ZNF718: variants seen among roughly 807,000 people sequenced by gnomAD.
ZNF718 encodes the protein zinc finger protein 718.
Under a neutral mutation model 2.6 loss-of-function variants are expected in ZNF718, and 3 were observed. The ratio of observed to expected loss-of-function variants is 1.16; its 90% CI spans 0.53 to 3.01. The LOEUF is 3.01. ZNF718 is among the 30% of genes most tolerant of loss of function. ZNF718 has a pLI of 0.03. For missense variants in ZNF718, 468 were observed against 230.0 expected, an observed-to-expected ratio of 2.03 and a Z score of -6.69; for synonymous variants, 135 against 77.9, an observed-to-expected ratio of 1.73 and a Z score of -3.86.
chr4:200,298 T>C (rs1488323776), intron 3 of ZNF718, among the ~76,000 whole-genome samples: 6 of 152,368 alleles, frequency 3.9e-5, no homozygotes, highest in Admixed American at 6.5e-5. Context: ...AGTCACGCAC[T>C]GTAGCCCAGG....
intron 3 of ZNF718, among the ~76,000 whole-genome samples, chr4:171,854 C>A (rs1717242096): frequency 6.6e-6 from 1 of 152,168 alleles, no homozygotes; most frequent in Admixed American, 6.5e-5. Context: ...CACTGTCTTG[C>A]ACCCACTTTC....
chr4:169,609 CCTT>C (rs1258347423), intron 3 of ZNF718, among the ~76,000 whole-genome samples: 1 of 152,104 alleles, frequency 6.6e-6, no homozygotes, highest in Non-Finnish European at 1.5e-5. Flanking sequence ...TATGTAATGA[CCTT>C]CTTTGTCTCT....
chr4:190,950 A>G (rs1164178017), intron 3 of ZNF718, among the ~76,000 whole-genome samples: 1 of 151,788 alleles, frequency 6.6e-6, no homozygotes, highest in Admixed American at 6.6e-5. Flanking sequence ...GAGGAAGGAG[A>G]ATCACTTGGA....
chr4:166,426 T>C (rs542228121), downstream of ZNF718, among the ~76,000 whole-genome samples: 24 of 152,268 alleles, frequency 1.6e-4, 1 homozygote, highest in East Asian at 4.1e-3. Context: ...AATCGCCACA[T>C]TGACTTCCAC....
intron 3 of ZNF718, among the ~76,000 whole-genome samples, chr4:184,980 T>C (rs1295935304): frequency 3.9e-5 from 6 of 152,136 alleles, no homozygotes; most frequent in Non-Finnish European, 7.4e-5. Context: ...TTTGAAGGGT[T>C]TTTTTGTGTC....
chr4:176,054 A>G (rs964152019), intron 3 of ZNF718, among the ~76,000 whole-genome samples: 1 of 151,948 alleles, frequency 6.6e-6, no homozygotes, highest in Non-Finnish European at 1.5e-5. Context: ...CCTTGGAACT[A>G]TGCAGCCTAA....
At chr4:154,055 A>G (rs1004859501) in intron 3 of ZNF718, among the ~76,000 whole-genome samples, 4 of 152,190 alleles carry the variant, frequency 2.6e-5, no homozygotes, top group Non-Finnish European at 5.9e-5. Context: ...TACTGTTCTC[A>G]TGGTGGTGAA....
chr4:199,763 G>C (rs548052944), intron 3 of ZNF718, among the ~76,000 whole-genome samples: 1 of 152,138 alleles, frequency 6.6e-6, no homozygotes, highest in Admixed American at 6.5e-5. Context: ...TCTCTTCTTG[G>C]TCATCACCTC....
chr4:169,967 T>G (rs1447901715), intron 3 of ZNF718, among the ~76,000 whole-genome samples: 1 of 152,088 alleles, frequency 6.6e-6, no homozygotes, highest in Non-Finnish European at 1.5e-5. Context: ...ATTTGGCATG[T>G]TTTTGCTGTG....
Position 162,024 on chromosome 4 carries a change from G to C in ZNF718, c.1339G>C (p.Val447Leu). ...GAATAAACATAAGAAAATTCACACT[G>C]TAGATAAACCCTACAAATGTAAAGA... ...HLNKHKKIHT[V>L]DKPYKCKECG... Residue 447 changes from valine to leucine, a missense_variant, in exon 4 of 4, where the codon GTA (valine) becomes CTA (leucine). Coordinates refer to ENST00000510175, the MANE Select transcript of ZNF718 (RefSeq NM_001039127.6). 1.3e-6 allele frequency: 1 copy of C among 778,096 alleles called. No homozygotes were observed. Among genetic ancestry groups the C allele is most frequent in the Non-Finnish European group, 2.4e-6 (1 of 416,440 alleles). The allele number at this position is 778,096 out of a possible 1,614,324, so 48.2% of individuals were successfully genotyped here.
chr4:188,973 C>G (rs1348322754), intron 3 of ZNF718, among the ~76,000 whole-genome samples: 1 of 144,002 alleles, frequency 6.9e-6, no homozygotes, highest in Non-Finnish European at 1.5e-5. Context: ...TTTTTTTTTG[C>G]ACATCCATAT....
Position 131,245 on chromosome 4 carries a change from C to T in ZNF718, c.131-165C>T, listed in dbSNP as rs1236294999. Among the ~76,000 whole-genome samples, 2 of 104,122 alleles carry T rather than the reference C, an allele frequency of 1.9e-5. 1 individual carries two copies. Among genetic ancestry groups the T allele is most frequent in the Non-Finnish European group, 4.3e-5 (2 of 46,840 alleles). The allele number at this position is 104,122 out of a possible 152,430, so 68.3% of individuals were successfully genotyped here. Reference sequence around the variant, plus strand: ...ACTCGGTAGTGGAACTTAAAGCCCACAGATTTAAAATACTTAAATATTCTA... The same window carrying T: ...ACTCGGTAGTGGAACTTAAAGCCCATAGATTTAAAATACTTAAATATTCTA... On this transcript the variant is annotated intron_variant, in intron 2 of 3. Coordinates refer to ENST00000510175, the MANE Select transcript of ZNF718 (RefSeq NM_001039127.6).
intron 3 of ZNF718, among the ~76,000 whole-genome samples, chr4:147,205 T>C (rs1327619895): frequency 6.6e-6 from 1 of 152,128 alleles, no homozygotes; most frequent in Non-Finnish European, 1.5e-5. Context: ...TTGAAGATTA[T>C]CTTGAATTCT....
intron 3 of ZNF718, among the ~76,000 whole-genome samples, chr4:145,065 C>G (rs1296861345): frequency 6.6e-6 from 1 of 151,518 alleles, no homozygotes; most frequent in Non-Finnish European, 1.5e-5. Context: ...AATAATGATA[C>G]TAACCCTTTC....
chr4:170,998 T>C (rs1717213189), intron 3 of ZNF718, among the ~76,000 whole-genome samples: 1 of 152,178 alleles, frequency 6.6e-6, no homozygotes, highest in Admixed American at 6.5e-5. Flanking sequence ...TGGTCTTTGA[T>C]GATGGTGATG....
intron 3 of ZNF718, among the ~76,000 whole-genome samples, chr4:175,001 A>G (rs1370340562): frequency 2.0e-5 from 3 of 152,216 alleles, no homozygotes; most frequent in African/African-American, 7.2e-5. Context: ...ACTTCTGCCC[A>G]TGGCATTTTG....
intron 3 of ZNF718, chr4:141,911 A>G: frequency 2.5e-6 from 1 of 395,664 alleles, no homozygotes; most frequent in Non-Finnish European, 5.1e-6. Flanking sequence ...TGTTATTTTC[A>G]ATGCATGTTT....
downstream of ZNF718, among the ~76,000 whole-genome samples, chr4:164,913 G>A (rs1553816460): frequency 6.6e-6 from 1 of 152,136 alleles, no homozygotes; most frequent in Non-Finnish European, 1.5e-5. Flanking sequence ...TTTTTCTGGA[G>A]TTTATTTGTA....
At chr4:133,195 A>AAAAAAAAATAT (rs1258303094) in intron 3 of ZNF718, among the ~76,000 whole-genome samples, 9 of 20,760 alleles carry the variant, frequency 4.3e-4, no homozygotes, top group African/African-American at 1.3e-3. Flanking sequence ...AAAAAAAAAA[A>AAAAAAAAATAT]ATATATATAT....
Sources: allele counts gnomAD v4.1 joint callset (sites outside exome capture counted in the v4.1 genomes callset), GRCh38; gene constraint gnomAD v4.1.1; transcripts MANE v1.5; gene names NCBI Gene and HGNC (gene_info 2026-07-23, HGNC 2026-07-21).